Variants in SGCZ observed in about 807,000 individuals in gnomAD.
The protein encoded by SGCZ is zeta-sarcoglycan.
Under a neutral mutation model 41.3 loss-of-function variants are expected in SGCZ, and 40 were observed. The ratio of observed to expected loss-of-function variants is 0.97; its 90% confidence interval spans 0.75 to 1.26. The LOEUF (loss-of-function observed/expected upper bound fraction) is 1.26. Among genes scored for constraint, SGCZ ranks in the 50% most tolerant of loss-of-function variants. The pLI is 0.00. For synonymous variants in SGCZ, 206 were observed against 137.5 expected, an observed-to-expected ratio of 1.50 and a Z score of -3.49; for missense variants, 552 against 369.8, an observed-to-expected ratio of 1.49 and a Z score of -4.04.
At position 14,767,826 on chromosome 8, in the gene SGCZ, G is replaced by A. The variant is rs139843043; in HGVS notation, c.40-212900C>T. Among the ~76,000 whole-genome samples, 1,159 of 152,262 alleles carry A rather than the reference G, an allele frequency of 7.6e-3. 7 individuals carry two copies. The highest frequency in any genetic ancestry group is 0.02 in the Middle Eastern group (6 of 294). ...AACCACTAAAGACTTCTTAAGGGCA[G>A]AGACTCAATTTAATTCATATTTAGA... On this transcript the variant is annotated intron_variant, in intron 1 of 7. Coordinates refer to ENST00000382080, the MANE Select transcript of SGCZ (RefSeq NM_139167.4).
At chr8:14,622,108 C>T (rs1328223995) in intron 1 of SGCZ, among the ~76,000 whole-genome samples, 1 of 151,988 alleles carries the variant, frequency 6.6e-6, no homozygotes, top group Non-Finnish European at 1.5e-5. Flanking sequence ...AGAAGAGGTA[C>T]CAAGATTCAG....
At chr8:14,340,037 A>G (rs1802648360) in intron 2 of SGCZ, among the ~76,000 whole-genome samples, 1 of 152,148 alleles carries the variant, frequency 6.6e-6, no homozygotes, top group African/African-American at 2.4e-5. Context: ...GACAAACAGA[A>G]TGACGTCAAT....
chr8:14,379,880 T>G (rs1274337707), intron 2 of SGCZ, among the ~76,000 whole-genome samples: 1 of 151,974 alleles, frequency 6.6e-6, no homozygotes, highest in Non-Finnish European at 1.5e-5. Flanking sequence ...TACAAGAGTG[T>G]GCCACCACGC....
chr8:14,998,818 G>A (rs1802309647), intron 1 of SGCZ, among the ~76,000 whole-genome samples: 1 of 152,114 alleles, frequency 6.6e-6, no homozygotes, highest in South Asian at 2.1e-4. Flanking sequence ...ATTTATTCTT[G>A]AAAAGTACGC....
intron 1 of SGCZ, among the ~76,000 whole-genome samples, chr8:14,858,951 G>A (rs1262551694): frequency 2.6e-5 from 4 of 151,910 alleles, no homozygotes; most frequent in African/African-American, 7.3e-5. Context: ...AATAATGTCA[G>A]TTTTCCTTTG....
chr8:15,077,658 A>G (rs752151278), intron 1 of SGCZ, among the ~76,000 whole-genome samples: 2 of 152,158 alleles, frequency 1.3e-5, no homozygotes, highest in African/African-American at 4.8e-5. Context: ...TGTATTTCAG[A>G]GATAAAACAT....
chr8:14,308,577 T>C (rs995016706), intron 3 of SGCZ, among the ~76,000 whole-genome samples: 1 of 151,926 alleles, frequency 6.6e-6, no homozygotes, highest in Non-Finnish European at 1.5e-5. Context: ...CTTGTGTTTG[T>C]TTTTCTATGA....
intron 1 of SGCZ, among the ~76,000 whole-genome samples, chr8:15,167,622 G>A (rs1330642936): frequency 6.6e-6 from 1 of 152,068 alleles, no homozygotes; most frequent in Non-Finnish European, 1.5e-5. Flanking sequence ...AACAGACCAA[G>A]TGTAAGACTA....
chr8:14,351,086 T>C (rs1803075080), intron 2 of SGCZ, among the ~76,000 whole-genome samples: 1 of 152,106 alleles, frequency 6.6e-6, no homozygotes, highest in South Asian at 2.1e-4. Context: ...TGTTTAGGTA[T>C]GTATAACTTT....
chr8:14,936,523 G>A (rs547590490), intron 1 of SGCZ, among the ~76,000 whole-genome samples: 35 of 151,840 alleles, frequency 2.3e-4, no homozygotes, highest in Non-Finnish European at 4.7e-4. Flanking sequence ...TATTAACAGT[G>A]TCACTTTTGC....
intron 2 of SGCZ, among the ~76,000 whole-genome samples, chr8:14,551,579 T>TAA (rs1329093761): frequency 3.1e-4 from 9 of 29,178 alleles, no homozygotes; most frequent in African/African-American, 1.7e-3. Context: ...AATATATATA[T>TAA]AATATATATA....
intron 1 of SGCZ, among the ~76,000 whole-genome samples, chr8:14,860,482 G>A (rs777645090): frequency 1.4e-4 from 20 of 148,000 alleles, no homozygotes; most frequent in Non-Finnish European, 1.9e-4. Flanking sequence ...AGAGAAGGAA[G>A]AGGAGAAAGA....
chr8:14,175,020 A>G (rs572003031), intron 4 of SGCZ, among the ~76,000 whole-genome samples: 18 of 152,294 alleles, frequency 1.2e-4, no homozygotes, highest in Non-Finnish European at 2.2e-4. Context: ...TTTATTGCCA[A>G]ATAAGAACCT....
intron 1 of SGCZ, among the ~76,000 whole-genome samples, chr8:15,155,387 TATC>T (rs1441632552): frequency 1.3e-5 from 2 of 152,246 alleles, no homozygotes; most frequent in Non-Finnish European, 2.9e-5. Flanking sequence ...TGTATTGAAA[TATC>T]ATACTGTACC....
intron 1 of SGCZ, among the ~76,000 whole-genome samples, chr8:14,754,658 T>C (rs772234988): frequency 3.3e-5 from 5 of 152,200 alleles, no homozygotes; most frequent in Non-Finnish European, 5.9e-5. Context: ...AATGGTTACA[T>C]TTAAGAAATT....
At chr8:14,221,974 A>T (rs947814564) in intron 4 of SGCZ, among the ~76,000 whole-genome samples, 3 of 152,000 alleles carry the variant, frequency 2.0e-5, no homozygotes, top group African/African-American at 2.4e-5. Context: ...AGAAAAAAAA[A>T]AAGTGGAAGT....
intron 2 of SGCZ, among the ~76,000 whole-genome samples, chr8:14,421,617 T>C (rs1304506916): frequency 3.3e-5 from 5 of 152,234 alleles, no homozygotes; most frequent in South Asian, 2.1e-4. Context: ...TTTGCTCATA[T>C]AGAACCACAG....
chr8:15,162,041 T>C (rs557793516), intron 1 of SGCZ, among the ~76,000 whole-genome samples: 121 of 152,304 alleles, frequency 7.9e-4, no homozygotes, highest in Middle Eastern at 3.4e-3. Flanking sequence ...CTGCCTTGAC[T>C]ATATGCCTAT....
chr8:14,173,832 A>C (rs1360812148), intron 4 of SGCZ, among the ~76,000 whole-genome samples: 1 of 152,138 alleles, frequency 6.6e-6, no homozygotes, highest in African/African-American at 2.4e-5. Flanking sequence ...GACACTAAAC[A>C]CTGCCATAAA....
Sources: gnomAD v4.1 joint callset for allele counts (sites outside exome capture counted in the v4.1 genomes callset) on GRCh38, gnomAD v4.1.1 for gene constraint, MANE v1.5 for transcripts, NCBI Gene and HGNC (gene_info 2026-07-23, HGNC 2026-07-21) for gene names.